TRUB1: variants seen among roughly 807,000 people sequenced by gnomAD.
TRUB1 encodes TruB pseudouridine synthase family member 1, also known as pseudouridylate synthase TRUB1.
In TRUB1, 23 loss-of-function variants were observed where a neutral mutation model predicts 33.9. That is an observed-to-expected ratio of 0.68 (90% CI 0.49 to 0.96). The LOEUF (loss-of-function observed/expected upper bound fraction) is 0.96. Among genes scored for constraint, TRUB1 ranks in the 40% least tolerant of loss-of-function variants. The pLI is 0.00. For synonymous variants in TRUB1, 163 were observed against 165.4 expected, an observed-to-expected ratio of 0.99 and a Z score of 0.11; for missense variants, 378 against 422.2, an observed-to-expected ratio of 0.90 and a Z score of 0.92.
chr10:114,941,602 C>G (rs566771861), intron 1 of TRUB1, among the ~76,000 whole-genome samples: 1 of 152,236 alleles, frequency 6.6e-6, no homozygotes, highest in African/African-American at 2.4e-5. Context: ...CTCGGCCTCC[C>G]AAAGTGCTGG....
At position 114,942,686 on chromosome 10, in the gene TRUB1, C is replaced by G; in HGVS notation, c.328C>G (p.Gln110Glu). The G allele has an allele frequency of 6.2e-7, 1 of 1,613,988 alleles. No individual in the cohort carries two copies. The highest frequency in any genetic ancestry group is 8.5e-7 in the Non-Finnish European group (1 of 1,179,944). ...TCCAGAATGGACCAAGAGGAAAAAG[C>G]AGACTTTGAAAATTGGGCATGGAGG... ...PSPEWTKRKK[Q>E]TLKIGHGGTL... The change falls in exon 2 of 8, where the codon CAG becomes GAG. Residue 110 changes from glutamine (Q) to glutamate (E), a missense_variant. By Grantham distance (29) the Gln-to-Glu change is conservative. Coordinates refer to ENST00000298746, the MANE Select transcript of TRUB1 (RefSeq NM_139169.5).
chr10:114,956,291 G>A (rs991347280), intron 3 of TRUB1, among the ~76,000 whole-genome samples: 1 of 152,132 alleles, frequency 6.6e-6, no homozygotes, highest in East Asian at 1.9e-4. Context: ...TAGAATTCAC[G>A]GTTCCCAGGT....
intron 4 of TRUB1, among the ~76,000 whole-genome samples, chr10:114,965,508 T>C (rs549186167): frequency 1.3e-5 from 2 of 152,326 alleles, no homozygotes; most frequent in African/African-American, 4.8e-5. Flanking sequence ...TTGAGTGAGA[T>C]TGCCCTGTAT....
chr10:114,940,808 T>C (rs193192625), intron 1 of TRUB1, among the ~76,000 whole-genome samples: 4 of 152,180 alleles, frequency 2.6e-5, no homozygotes, highest in Admixed American at 2.6e-4. Flanking sequence ...AATTTATGAG[T>C]GAGAGATCCA....
At chr10:114,943,356 C>T (rs1483037890) in intron 2 of TRUB1, among the ~76,000 whole-genome samples, 1 of 152,092 alleles carries the variant, frequency 6.6e-6, no homozygotes, top group Admixed American at 6.6e-5. Flanking sequence ...ATGGTGAAAC[C>T]CTGTCTCTTC....
At chr10:114,947,218 G>T (rs2084215168) in intron 2 of TRUB1, among the ~76,000 whole-genome samples, 1 of 152,036 alleles carries the variant, frequency 6.6e-6, no homozygotes, top group African/African-American at 2.4e-5. Flanking sequence ...TCTAGTGAAG[G>T]ATTCTCCCCT....
chr10:114,938,286 G>A lies in TRUB1; in HGVS notation c.33G>A (p.Ser11=). 2 of 1,614,176 alleles carry A rather than the reference G, an allele frequency of 1.2e-6. No individual in the cohort carries two copies. Among genetic ancestry groups the A allele is most frequent in the Non-Finnish European group, 1.7e-6 (2 of 1,180,018 alleles). ...CTTCTGAGGCGGCGGTGGTGTCTTC[G>A]CCGTCTTTGAAAACAGACACATCCC... is the stretch of plus-strand genomic sequence containing the variant. MAASEAAVVS[S]PSLKTDTSPV... is the part of the protein sequence containing the mutation. The change falls in exon 1 of 8, where the codon TCG becomes TCA. Residue 11 remains serine, a synonymous_variant. Transcript: ENST00000298746.
chr10:114,952,572 G>A (rs559355694), intron 3 of TRUB1, among the ~76,000 whole-genome samples: 5 of 152,236 alleles, frequency 3.3e-5, no homozygotes, highest in East Asian at 3.9e-4. Context: ...AAAAAGCCTC[G>A]GAGAACATAT....
At chr10:114,943,607 G>A (rs1223173219) in intron 2 of TRUB1, among the ~76,000 whole-genome samples, 1 of 152,218 alleles carries the variant, frequency 6.6e-6, no homozygotes, top group East Asian at 1.9e-4. Flanking sequence ...CATTGCACAT[G>A]TGTTACCGCT....
At chr10:114,968,811 T>C (rs2143025948) in intron 4 of TRUB1, among the ~76,000 whole-genome samples, 1 of 152,366 alleles carries the variant, frequency 6.6e-6, no homozygotes, top group South Asian at 2.1e-4. Flanking sequence ...TAGTATTCCA[T>C]GCTGACTTTT....
At chr10:114,961,466 A>C (rs1404077652) in intron 4 of TRUB1, among the ~76,000 whole-genome samples, 1 of 152,194 alleles carries the variant, frequency 6.6e-6, no homozygotes, top group Non-Finnish European at 1.5e-5. Flanking sequence ...GGGTGACAAA[A>C]ATACTTAAAC....
intron 4 of TRUB1, 44 bp from the exon 5 acceptor site, chr10:114,970,324 A>C (rs1211246822): frequency 7.4e-7 from 1 of 1,357,556 alleles, no homozygotes; most frequent in Non-Finnish European, 1.0e-6. Context: ...TAGTACATGT[A>C]CTTCTGTGGT....
At chr10:114,955,877 G>T (rs1468845867) in intron 3 of TRUB1, among the ~76,000 whole-genome samples, 1 of 152,150 alleles carries the variant, frequency 6.6e-6, no homozygotes, top group Non-Finnish European at 1.5e-5. Context: ...AAAAAGGACT[G>T]TTCCTTCTTA....
At chr10:114,950,936 A>G (rs1001295534) in intron 2 of TRUB1, among the ~76,000 whole-genome samples, 158 bp from the exon 3 acceptor site, 1 of 152,200 alleles carries the variant, frequency 6.6e-6, no homozygotes, top group African/African-American at 2.4e-5. Context: ...GACAAGTTCA[A>G]CTGTTTGGAG....
chr10:114,948,169 A>G lies in TRUB1; in HGVS notation c.386-2925A>G, dbSNP rs138123006. On this transcript the variant is annotated intron_variant, in intron 2 of 7. Transcript: ENST00000298746. ...AGTAGGAGAGTAGTAATTGTGCAAC[A>G]GTGCATGGAAAACCCCGTTATTCAT... Among the ~76,000 whole-genome samples, 51 of 152,304 alleles carry G rather than the reference A, an allele frequency of 3.3e-4. No individual in the cohort carries two copies. In the East Asian group the frequency reaches 8.5e-3, roughly 25 times the overall value.
intron 3 of TRUB1, among the ~76,000 whole-genome samples, chr10:114,954,065 A>G (rs967930386): frequency 1.5e-5 from 1 of 67,498 alleles, no homozygotes; most frequent in African/African-American, 3.8e-5. Flanking sequence ...CTATTTCATT[A>G]AAAAAAAAAA....
At chr10:114,957,407 A>C (rs911507578) in intron 3 of TRUB1, among the ~76,000 whole-genome samples, 1 of 152,202 alleles carries the variant, frequency 6.6e-6, no homozygotes. Context: ...AGGGAGAGCA[A>C]TCTATCTTAT....
At chr10:114,960,168 AT>A (rs546910596) in intron 4 of TRUB1, among the ~76,000 whole-genome samples, 215 of 151,652 alleles carry the variant, frequency 1.4e-3, no homozygotes, top group Admixed American at 6.3e-3. Context: ...TTAAAAAAAA[AT>A]ATATTACCTG....
At position 114,975,320 on chromosome 10, in the gene TRUB1, TG is replaced by T. The variant is rs777339643; in HGVS notation, c.992del (p.Cys331LeufsTer4). The T allele has an allele frequency of 6.2e-7, 1 of 1,612,340 alleles. No individual in the cohort carries two copies. Among genetic ancestry groups the T allele is most frequent in the Non-Finnish European group, 8.5e-7 (1 of 1,179,096 alleles). On this transcript the variant is annotated frameshift_variant, in exon 8 of 8. Coordinates refer to ENST00000298746, the MANE Select transcript of TRUB1 (RefSeq NM_139169.5). LOFTEE classifies it high-confidence loss of function. ...TGAGTCTAATGAACAGGTTTTGAGC[TG>T]TGAATATATAACTCTAAATGAGCCA... ...KPESNEQVLS[C>X]EYITLNEPKR... is the part of the protein sequence containing the mutation.
Sources: gnomAD v4.1 joint callset for allele counts (sites outside exome capture counted in the v4.1 genomes callset) on GRCh38, gnomAD v4.1.1 for gene constraint, MANE v1.5 for transcripts, NCBI Gene and HGNC (gene_info 2026-07-23, HGNC 2026-07-21) for gene names.